CMPK1: variants seen among roughly 807,000 people sequenced by gnomAD.
CMPK1 encodes the protein UMP-CMP kinase.
In CMPK1, 10 loss-of-function variants were observed where a neutral mutation model predicts 25.7. The ratio of observed to expected loss-of-function variants is 0.39; its 90% CI spans 0.24 to 0.66. The LOEUF is 0.66. CMPK1 is among the 30% of genes least tolerant of loss of function. CMPK1 has a pLI of 0.48. For synonymous variants in CMPK1, 106 were observed against 101.5 expected, an observed-to-expected ratio of 1.04 and a Z score of -0.27; for missense variants, 199 against 280.5, an observed-to-expected ratio of 0.71 and a Z score of 2.08.
intron 3 of CMPK1, among the ~76,000 whole-genome samples, chr1:47,374,657 GA>G (rs941918039): frequency 2.4e-4 from 36 of 151,666 alleles, no homozygotes; most frequent in South Asian, 8.3e-4. Flanking sequence ...ATTACAGTTT[GA>G]AAAAAAATAA....
At chr1:47,358,402 A>C (rs750392216) in intron 1 of CMPK1, 34 of 1,268,952 alleles carry the variant, frequency 2.7e-5, no homozygotes, top group Non-Finnish European at 3.5e-5. Flanking sequence ...CATGAGCCAC[A>C]GTGCGTAGTC....
chr1:47,360,195 G>A (rs141638119), intron 1 of CMPK1, among the ~76,000 whole-genome samples: 146 of 152,276 alleles, frequency 9.6e-4, no homozygotes, highest in Middle Eastern at 3.4e-3. Context: ...CTCCCTGAAG[G>A]TGTCTAAGCC....
chr1:47,368,514 G>C lies in CMPK1; in HGVS notation c.217G>C (p.Glu73Gln). 6.2e-7 allele frequency: 1 copy of C among 1,613,392 alleles called. No homozygotes were observed. The highest frequency in any genetic ancestry group is 8.5e-7 in the Non-Finnish European group (1 of 1,179,622). The change falls in exon 2 of 6, where the codon GAA (glutamate) becomes CAA (glutamine). Residue 73 changes from glutamate to glutamine, a missense_variant. Transcript: ENST00000371873. ...TTCTGCAGGAGAGCTGCTTCGTGAT[G>C]AAAGGAAGAACCCAGATTCACAGTA... The part of the protein sequence containing the change: ...HLSAGELLRD[E>Q]RKNPDSQYGE...
chr1:47,357,984 C>G (rs988318868), intron 1 of CMPK1, among the ~76,000 whole-genome samples: 7 of 151,770 alleles, frequency 4.6e-5, no homozygotes, highest in Non-Finnish European at 1.0e-4. Context: ...TATTTCTGTT[C>G]CTCTATCGGC....
rs1180007532 is a variant in CMPK1 at position 47,352,060 on chromosome 1, C to A, written c.172-16409C>A. 3.9e-5 allele frequency among the ~76,000 whole-genome samples: 6 copies of A among 152,258 alleles called. No individual in the cohort carries two copies. In the East Asian group the frequency reaches 7.7e-4, roughly 20 times the overall value. ...GCTGAGGCAGGAGAATTGCTTGAAC[C>A]CAGGAGGCGGAGGTTGCAGTGAGCT... On this transcript the variant is annotated intron_variant, in intron 1 of 5. Transcript: ENST00000371873.
Position 47,376,610 on chromosome 1 carries a change from C to G in CMPK1, c.646-94C>G, listed in dbSNP as rs1036911897. The G allele has an allele frequency of 7.9e-6, 6 of 755,746 alleles. No individual in the cohort carries two copies. In the Admixed American group the frequency reaches 9.1e-5, roughly 11 times the overall value. 46.8% of individuals were successfully genotyped at this position (755,746 alleles called of 1,614,324 possible). A position where few individuals can be genotyped will look rare whatever the true frequency, so the allele number is the denominator to read the frequency against. On this transcript the variant is annotated intron_variant, in intron 5 of 5. Coordinates refer to ENST00000371873, the MANE Select transcript of CMPK1 (RefSeq NM_016308.3). The stretch of plus-strand genomic sequence containing the variant: ...GGATTACAGATGTGAGCCACCGCGC[C>G]CCGCCAAATTTGATTATTTTTAATA...
intron 1 of CMPK1, among the ~76,000 whole-genome samples, chr1:47,336,762 G>C (rs992300883): frequency 2.6e-5 from 4 of 152,212 alleles, no homozygotes; most frequent in Non-Finnish European, 5.9e-5. Context: ...CCAGACTCAA[G>C]GGATCTTACT....
intron 1 of CMPK1, among the ~76,000 whole-genome samples, chr1:47,340,246 C>T (rs1485774694): frequency 6.6e-6 from 1 of 151,666 alleles, no homozygotes; most frequent in African/African-American, 2.4e-5. Flanking sequence ...TGCCACCATG[C>T]CCAGCTAATT....
chr1:47,339,080 CTG>C (rs988267047), intron 1 of CMPK1, among the ~76,000 whole-genome samples: 74 of 148,976 alleles, frequency 5.0e-4, no homozygotes, highest in Non-Finnish European at 1.1e-3. Context: ...GGGTCTCACT[CTG>C]TTGCCCAGGC....
intron 1 of CMPK1, among the ~76,000 whole-genome samples, chr1:47,339,700 C>G (rs1294384115): frequency 1.8e-5 from 2 of 113,934 alleles, no homozygotes; most frequent in African/African-American, 6.3e-5. Flanking sequence ...TTCTTCCTTT[C>G]CTTTTTTTTT....
At chr1:47,367,942 ATTTATTT>A (rs1004368144) in intron 1 of CMPK1, among the ~76,000 whole-genome samples, 6 of 151,730 alleles carry the variant, frequency 4.0e-5, no homozygotes, top group African/African-American at 9.7e-5. Flanking sequence ...TAATTTTTAA[ATTTATTT>A]TTTATTTTTT....
intron 1 of CMPK1, among the ~76,000 whole-genome samples, chr1:47,340,488 C>T (rs574353432): frequency 6.6e-6 from 1 of 152,184 alleles, no homozygotes; most frequent in South Asian, 2.1e-4. Flanking sequence ...ATGAATGAAT[C>T]AATGATATGG....
At chr1:47,340,317 A>G (rs28461889) in intron 1 of CMPK1, among the ~76,000 whole-genome samples, 1 of 151,592 alleles carries the variant, frequency 6.6e-6, no homozygotes, top group Non-Finnish European at 1.5e-5. Flanking sequence ...AAAAAAAAAA[A>G]AGAGAAATGG....
At chr1:47,366,548 C>T (rs1646640916) in intron 1 of CMPK1, among the ~76,000 whole-genome samples, 1 of 151,920 alleles carries the variant, frequency 6.6e-6, no homozygotes, top group Non-Finnish European at 1.5e-5. Flanking sequence ...TTAGCAAAAT[C>T]CTTAAGAAAA....
chr1:47,337,801 C>CG (rs1206489075), intron 1 of CMPK1, among the ~76,000 whole-genome samples: 3 of 151,802 alleles, frequency 2.0e-5, no homozygotes, highest in Admixed American at 6.6e-5. Context: ...TTAGTAGAGA[C>CG]GGGGTTTCAC....
intron 1 of CMPK1, among the ~76,000 whole-genome samples, chr1:47,343,249 A>T (rs1646455107): frequency 6.6e-6 from 1 of 151,528 alleles, no homozygotes; most frequent in Non-Finnish European, 1.5e-5. Flanking sequence ...GGCCTCCCAA[A>T]GTGCTGGGAT....
chr1:47,345,654 C>T (rs747601601), intron 1 of CMPK1, among the ~76,000 whole-genome samples: 3 of 151,400 alleles, frequency 2.0e-5, no homozygotes, highest in Non-Finnish European at 2.9e-5. Context: ...CCACCACGCC[C>T]GGCTAATTTT....
intron 1 of CMPK1, among the ~76,000 whole-genome samples, chr1:47,365,905 A>G (rs572869830): frequency 6.6e-6 from 1 of 152,144 alleles, no homozygotes; most frequent in African/African-American, 2.4e-5. Context: ...GAAAATTACT[A>G]TCTTTAGGTC....
At chr1:47,365,752 A>G (rs997670390) in intron 1 of CMPK1, among the ~76,000 whole-genome samples, 1 of 152,114 alleles carries the variant, frequency 6.6e-6, no homozygotes, top group African/African-American at 2.4e-5. Context: ...CTTGTTGTGA[A>G]CATGGTGCTT....
Sources: allele counts gnomAD v4.1 joint callset (sites outside exome capture counted in the v4.1 genomes callset), GRCh38; gene constraint gnomAD v4.1.1; transcripts MANE v1.5; gene names NCBI Gene and HGNC (gene_info 2026-07-23, HGNC 2026-07-21).